SMAD7: variants seen among roughly 807,000 people sequenced by gnomAD.
SMAD7 encodes the protein MAD (mothers against decapentaplegic, Drosophila) homolog 7.
Under a neutral mutation model 38.7 loss-of-function variants are expected in SMAD7, and 8 were observed. The observed-to-expected ratio is 0.21, with a 90% CI of 0.12 to 0.37. The LOEUF (loss-of-function observed/expected upper bound fraction) is 0.37. SMAD7 is among the 10% of genes least tolerant of loss of function. SMAD7 has a pLI of 1.00. For missense variants in SMAD7, 477 were observed against 577.9 expected (o/e 0.83, Z 1.79); for synonymous variants, 327 against 265.1 (o/e 1.23, Z -2.27).
At chr18:48,930,437 C>T (rs1434486326) in intron 3 of SMAD7, among the ~76,000 whole-genome samples, 1 of 152,180 alleles carries the variant, frequency 6.6e-6, no homozygotes, top group Non-Finnish European at 1.5e-5. Flanking sequence ...GGTCCCCCAC[C>T]CAGAAGCTGC....
At chr18:48,938,355 GCCGGGTCTCT>G in intron 3 of SMAD7, among the ~76,000 whole-genome samples, 1 of 152,330 alleles carries the variant, frequency 6.6e-6, no homozygotes, top group Non-Finnish European at 1.5e-5. Context: ...GAGGCATGGT[GCCGGGTCTCT>G]CCAACAAGCA....
Position 48,921,436 on chromosome 18 carries a change from C to G in SMAD7, c.1217G>C (p.Cys406Ser), listed in dbSNP as rs779335580. 6.2e-7 allele frequency: 1 copy of G among 1,612,994 alleles called. No homozygotes were observed. Among genetic ancestry groups the G allele is most frequent in the Non-Finnish European group, 8.5e-7 (1 of 1,179,594 alleles). ...QISFVKGWGQ[C>S]YTRQFISSCP... ...GCTGCTGATGAACTGGCGGGTGTAG[C>G]ACTGGCCCCAGCCCTTCACAAAGCT... The change falls in exon 4 of 4, where the codon TGC becomes TCC. Residue 406 changes from cysteine (C) to serine (S), a missense_variant. Cys to Ser is a moderately radical substitution (Grantham distance 112, BLOSUM62 -1). Transcript: ENST00000262158. The surrounding 1 kb of genome is among the most constrained non-coding windows in gnomAD (Gnocchi z 6.4).
In SMAD7 at chr18:48,950,491, AT is replaced by A; in HGVS notation, c.-68del. 2 of 1,424,282 alleles carry A rather than the reference AT, an allele frequency of 1.4e-6. No individual in the cohort carries two copies. The highest frequency in any genetic ancestry group is 1.9e-6 in the Non-Finnish European group (2 of 1,075,250). 88.2% of individuals were successfully genotyped at this position (1,424,282 alleles called of 1,614,324 possible). The stretch of plus-strand genomic sequence containing the variant: ...GGAGCGAACATGACCTCCGCACACC[AT>A]GAAGAAGTCGGGCGCCGAGTTGGGG... On this transcript the variant is annotated 5_prime_UTR_variant, in exon 1 of 4. An upstream start codon of the reference 5' UTR is lost. Coordinates refer to ENST00000262158, the MANE Select transcript of SMAD7 (RefSeq NM_005904.4).
intron 1 of SMAD7, among the ~76,000 whole-genome samples, 165 bp downstream of exon 1, chr18:48,949,647 T>G (rs982084561): frequency 1.3e-5 from 2 of 151,626 alleles, no homozygotes; most frequent in African/African-American, 4.8e-5. Flanking sequence ...CCCCAGTCTC[T>G]TCCCAGGAGG....
Position 48,950,515 on chromosome 18 carries a change from G to A in SMAD7, c.-91C>T, listed in dbSNP as rs2070251559. 7.6e-7 allele frequency: 1 copy of A among 1,310,678 alleles called. No individual in the cohort carries two copies. The highest frequency in any genetic ancestry group is 3.1e-5 in the Admixed American group (1 of 32,164). The allele number at this position is 1,310,678 out of a possible 1,614,324, so 81.2% of individuals were successfully genotyped here. A position where few individuals can be genotyped will look rare whatever the true frequency, so the allele number is the denominator to read the frequency against. On this transcript the variant is annotated 5_prime_UTR_variant, in exon 1 of 4. Coordinates refer to ENST00000262158, the MANE Select transcript of SMAD7 (RefSeq NM_005904.4). ...CATGAAGAAGTCGGGCGCCGAGTTG[G>A]GGCAGCAGGCGCAGGCGACAGCAGC...
chr18:48,921,345 C>T lies in SMAD7; in HGVS notation c.*27G>A. 6 of 1,588,906 alleles carry T rather than the reference C, an allele frequency of 3.8e-6. No homozygotes were observed. The highest frequency in any genetic ancestry group is 5.2e-6 in the Non-Finnish European group (6 of 1,162,624). On this transcript the variant is annotated 3_prime_UTR_variant, in exon 4 of 4. Coordinates refer to ENST00000262158, the MANE Select transcript of SMAD7 (RefSeq NM_005904.4). This position sits in a 1 kb window ranked among gnomAD's most constrained non-coding sequence, Gnocchi z 6.4. ...GTAGTTTGAAGTGTGGCCTGCTCAG[C>T]TCACGCTCTGTCCCCTCCGCACGCG...
intron 3 of SMAD7, among the ~76,000 whole-genome samples, chr18:48,926,557 G>T (rs1326294538): frequency 6.6e-6 from 1 of 152,270 alleles, no homozygotes; most frequent in East Asian, 1.9e-4. Flanking sequence ...GAAGGCTGAG[G>T]ACGGAGAAGT....
In SMAD7 at chr18:48,950,183, C is replaced by A; in HGVS notation, c.242G>T (p.Gly81Val). Reference sequence around the variant, plus strand: ...CTCGGCGCCCCCGGCCGCGCCGGCGCCCGCGGCTGGCGGGTGGGGATGGTG... The same window carrying A: ...CTCGGCGCCCCCGGCCGCGCCGGCGACCGCGGCTGGCGGGTGGGGATGGTG... ...GHHHPHPPAA[G>V]AGAAGGAEAD... Residue 81 changes from glycine (G) to valine (V), a missense_variant, in exon 1 of 4, where the codon GGC becomes GTC. By Grantham distance (109) the Gly-to-Val change is moderately radical. Coordinates refer to ENST00000262158, the MANE Select transcript of SMAD7 (RefSeq NM_005904.4). 1 of 1,484,384 alleles carries A rather than the reference C, an allele frequency of 6.7e-7. No individual in the cohort carries two copies. 92.0% of individuals were successfully genotyped at this position (1,484,384 alleles called of 1,614,324 possible).
chr18:48,948,528 T>C, intron 1 of SMAD7, 91 bp from the exon 2 acceptor site: 2 of 925,320 alleles, frequency 2.2e-6, no homozygotes, highest in Non-Finnish European at 3.3e-6. Context: ...TTAGCCCAAC[T>C]GTTTGTCTTA....
chr18:48,949,410 C>T (rs554391195), intron 1 of SMAD7: 1 of 313,274 alleles, frequency 3.2e-6, no homozygotes, highest in East Asian at 1.7e-4. Flanking sequence ...TGGACCAAAT[C>T]CAACTCGGCC....
At chr18:48,928,074 G>A (rs1449749513) in intron 3 of SMAD7, among the ~76,000 whole-genome samples, 70 of 152,318 alleles carry the variant, frequency 4.6e-4, no homozygotes, top group Non-Finnish European at 1.0e-4. Flanking sequence ...TTAGAGCTGC[G>A]CATGGGGTGC....
Position 48,921,245 on chromosome 18 carries a change from C to A in SMAD7, c.*127G>T, listed in dbSNP as rs902978500. The A allele has an allele frequency of 8.5e-6, 7 of 819,862 alleles. No individual in the cohort carries two copies. The South Asian group carries it at 1.3e-4, about 15-fold the overall frequency. 50.8% of individuals were successfully genotyped at this position (819,862 alleles called of 1,614,324 possible). A position where few individuals can be genotyped will look rare whatever the true frequency, so the allele number is the denominator to read the frequency against. On this transcript the variant is annotated 3_prime_UTR_variant, in exon 4 of 4. Coordinates refer to ENST00000262158, the MANE Select transcript of SMAD7 (RefSeq NM_005904.4). The surrounding 1 kb of genome is among the most constrained non-coding windows in gnomAD (Gnocchi z 6.4). ...ACGAGGACGAGAAGAAGAAAACCAA[C>A]CAACAAACAAAAAAAAAACGACCAA...
intron 3 of SMAD7, among the ~76,000 whole-genome samples, chr18:48,925,536 C>T (rs372554661): frequency 9.9e-5 from 15 of 152,048 alleles, no homozygotes; most frequent in African/African-American, 2.9e-4. Flanking sequence ...CCTGTGTTTG[C>T]GCTCCAACTG....
chr18:48,931,810 G>A (rs1351039992), intron 3 of SMAD7, among the ~76,000 whole-genome samples: 1 of 152,268 alleles, frequency 6.6e-6, no homozygotes, highest in Admixed American at 6.5e-5. Context: ...CAACCCAGGA[G>A]AGCAGGCCAG....
chr18:48,940,320 CAG>C (rs1455575665), intron 3 of SMAD7, among the ~76,000 whole-genome samples: 1 of 152,260 alleles, frequency 6.6e-6, no homozygotes, highest in Non-Finnish European at 1.5e-5. Flanking sequence ...CACTGCCCTT[CAG>C]AGAGTCACTG....
chr18:48,950,114 T>A lies in SMAD7; in HGVS notation c.311A>T (p.Lys104Met). Residue 104 changes from lysine to methionine, a missense_variant, in exon 1 of 4, where the codon AAG becomes ATG. Physicochemically the swap from Lys to Met is moderately conservative, Grantham distance 95 (BLOSUM62 -1). This residue lies in a region of SMAD7 where 376 missense variants were observed against 379.4 expected (regional missense o/e 0.99). Transcript: ENST00000262158. ...ALTHSVLKKL[K>M]ERQLELLLQA... ...GAGCAGCAGCTCCAGCTGCCGCTCCTTCAGTTTCTTGAGCACCGAGTGCGT... is the reference window on the plus strand; with the variant it reads ...GAGCAGCAGCTCCAGCTGCCGCTCCATCAGTTTCTTGAGCACCGAGTGCGT... The A allele has an allele frequency of 6.7e-7, 1 of 1,488,210 alleles. No individual in the cohort carries two copies. Among genetic ancestry groups the A allele is most frequent in the Non-Finnish European group, 8.9e-7 (1 of 1,122,720 alleles). The allele number at this position is 1,488,210 out of a possible 1,614,324, so 92.2% of individuals were successfully genotyped here. A position where few individuals can be genotyped will look rare whatever the true frequency, so the allele number is the denominator to read the frequency against.
intron 3 of SMAD7, among the ~76,000 whole-genome samples, chr18:48,936,743 T>C (rs1308819647): frequency 1.3e-5 from 2 of 152,024 alleles, no homozygotes; most frequent in Admixed American, 6.6e-5. Context: ...AGCCTGGCCA[T>C]CATAATTCTG....
chr18:48,948,330 A>G, intron 2 of SMAD7, 54 bp downstream of exon 2: 1 of 1,294,096 alleles, frequency 7.7e-7, no homozygotes, highest in Non-Finnish European at 1.1e-6. Flanking sequence ...CACGTTCTAG[A>G]GGCTCTATTT....
At chr18:48,943,153 CAG>C (rs1476299956) in intron 2 of SMAD7, among the ~76,000 whole-genome samples, 4 of 152,180 alleles carry the variant, frequency 2.6e-5, no homozygotes, top group Non-Finnish European at 5.9e-5. Flanking sequence ...CAGATCAAGA[CAG>C]AGAACATTCT....
Sources: allele counts gnomAD v4.1 joint callset (sites outside exome capture counted in the v4.1 genomes callset), GRCh38; gene constraint gnomAD v4.1.1; regional missense constraint gnomAD v4.1.1; non-coding constraint Gnocchi (gnomAD v3.1); transcripts MANE v1.5; gene names NCBI Gene and HGNC (gene_info 2026-07-23, HGNC 2026-07-21).